Variants in PTPRN2 observed in about 807,000 individuals in gnomAD.
PTPRN2 encodes the protein protein tyrosine phosphatase receptor type N2.
A neutral mutation model predicts 118.8 loss-of-function variants in PTPRN2; 74 were observed. The observed-to-expected ratio is 0.62, with a 90% confidence interval of 0.52 to 0.76. The LOEUF is 0.76. Among genes scored for constraint, PTPRN2 ranks in the 30% least tolerant of loss-of-function variants. The pLI is 0.00. For synonymous variants in PTPRN2, 641 were observed against 608.0 expected, an observed-to-expected ratio of 1.05 and a Z score of -0.80; for missense variants, 1,481 against 1,394.4, an observed-to-expected ratio of 1.06 and a Z score of -0.99.
intron 1 of PTPRN2, among the ~76,000 whole-genome samples, chr7:158,499,829 C>T (rs191062408): frequency 3.8e-5 from 5 of 132,886 alleles, no homozygotes; most frequent in South Asian, 3.0e-4. Context: ...ATACACACAC[C>T]CTCCAGTGTG....
chr7:158,314,980 A>T (rs1802185527), intron 3 of PTPRN2, among the ~76,000 whole-genome samples: 1 of 143,490 alleles, frequency 7.0e-6, no homozygotes, highest in Admixed American at 6.9e-5. Context: ...GGACCCCCTG[A>T]AGGACAGAGG....
intron 12 of PTPRN2, among the ~76,000 whole-genome samples, chr7:157,825,459 T>G: frequency 6.6e-6 from 1 of 152,198 alleles, no homozygotes; most frequent in Non-Finnish European, 1.5e-5. Context: ...TCCAGCTCAT[T>G]TAAGCCACTT....
intron 11 of PTPRN2, among the ~76,000 whole-genome samples, chr7:157,940,739 A>T (rs1253600631): frequency 9.8e-5 from 4 of 40,838 alleles, no homozygotes; most frequent in Non-Finnish European, 1.5e-4. Flanking sequence ...GCCCTGCCCC[A>T]TGACACTGCA....
intron 3 of PTPRN2, among the ~76,000 whole-genome samples, chr7:158,272,170 G>A (rs867396576): frequency 1.4e-4 from 22 of 152,276 alleles, no homozygotes; most frequent in African/African-American, 4.8e-4. Flanking sequence ...GCAGAGGAGG[G>A]TCTAGAGTGA....
chr7:157,730,206 G>C (rs562830970), intron 12 of PTPRN2, among the ~76,000 whole-genome samples: 16 of 150,794 alleles, frequency 1.1e-4, no homozygotes, highest in Non-Finnish European at 1.6e-4. Context: ...CCGGGCACTC[G>C]GGGTGAAGCT....
intron 11 of PTPRN2, among the ~76,000 whole-genome samples, chr7:157,971,263 T>TA (rs1378036138): frequency 2.6e-5 from 4 of 152,188 alleles, no homozygotes; most frequent in Non-Finnish European, 5.9e-5. Context: ...AGACCTTCAA[T>TA]AAAAAAGGTT....
intron 14 of PTPRN2, among the ~76,000 whole-genome samples, chr7:157,643,910 C>T (rs2906926): frequency 0.38 from 57,525 of 152,162 alleles, 11,512 homozygotes; most frequent in Middle Eastern, 0.47. Context: ...ACCGGCCAGC[C>T]TCATAGTGCT....
intron 2 of PTPRN2, among the ~76,000 whole-genome samples, chr7:158,420,238 G>A (rs571724075): frequency 6.6e-6 from 1 of 152,264 alleles, no homozygotes; most frequent in South Asian, 2.1e-4. Context: ...CCCCAAAGCT[G>A]CAGTGAGGAG....
chr7:158,317,300 C>T (rs932212411), intron 2 of PTPRN2, among the ~76,000 whole-genome samples: 4 of 152,216 alleles, frequency 2.6e-5, no homozygotes, highest in Non-Finnish European at 5.9e-5. Flanking sequence ...CATTCCAGGC[C>T]AGTTTTCCAG....
intron 12 of PTPRN2, among the ~76,000 whole-genome samples, chr7:157,765,520 T>TCACCCACCCATCCATC (rs1228800113): frequency 9.4e-6 from 1 of 106,176 alleles, no homozygotes; most frequent in Non-Finnish European, 1.9e-5. Context: ...CTCCATCCAT[T>TCACCCACCCATCCATC]CACCCACCCA....
At chr7:157,938,022 GAGTGCATGGTGGGGCC>G (rs1265531072) in intron 11 of PTPRN2, among the ~76,000 whole-genome samples, 5 of 152,340 alleles carry the variant, frequency 3.3e-5, no homozygotes, top group African/African-American at 1.2e-4. Flanking sequence ...ATCTGAAGCA[GAGTGCATGGTGGGGCC>G]ATCTAAGTAT....
intron 11 of PTPRN2, among the ~76,000 whole-genome samples, chr7:157,985,571 G>A (rs149523043): frequency 1.6e-4 from 24 of 152,338 alleles, no homozygotes; most frequent in Non-Finnish European, 3.4e-4. Flanking sequence ...TGAAAATGTA[G>A]TTATACCATA....
At position 157,544,289 on chromosome 7, in the gene PTPRN2, C is replaced by T. The variant is rs1798167793; in HGVS notation, c.2977-3504G>A. Among the ~76,000 whole-genome samples the T allele has an allele frequency of 2.0e-5, 3 of 152,326 alleles. No individual in the cohort carries two copies. The South Asian group carries it at 6.2e-4, about 32-fold the overall frequency. ...ATGTGTGAGCGTGGACTGCGCTACG[C>T]GTGACAGAATCCGTGTCTGTCACTC... is the stretch of plus-strand genomic sequence containing the variant. On this transcript the variant is annotated intron_variant, in intron 22 of 22. Coordinates refer to ENST00000389418, the MANE Select transcript of PTPRN2 (RefSeq NM_002847.5).
At chr7:157,956,314 A>T (rs1003669113) in intron 11 of PTPRN2, among the ~76,000 whole-genome samples, 1 of 152,202 alleles carries the variant, frequency 6.6e-6, no homozygotes, top group Non-Finnish European at 1.5e-5. Context: ...TGTAGCCGTG[A>T]TCGCTCCGGT....
At chr7:158,441,074 GGTGGTGCTGGTGGTAGTGATA>G (rs1817061360) in intron 2 of PTPRN2, among the ~76,000 whole-genome samples, 1 of 135,812 alleles carries the variant, frequency 7.4e-6, no homozygotes, top group African/African-American at 3.1e-5. Context: ...TGGTAGTGAT[GGTGGTGCTGGTGGTAGTGATA>G]GGGGTGGTAG....
In PTPRN2 at chr7:157,763,356, C is replaced by T. The variant is rs534702775; in HGVS notation, c.1789-80419G>A. Among the ~76,000 whole-genome samples, 64 of 152,358 alleles carry T rather than the reference C, an allele frequency of 4.2e-4. No homozygotes were observed. The highest frequency in any genetic ancestry group is 1.5e-3 in the African/African-American group (63 of 41,592). On this transcript the variant is annotated intron_variant, in intron 12 of 22. Transcript: ENST00000389418. This position sits in a 1 kb window ranked among gnomAD's most constrained non-coding sequence, Gnocchi z 4.9. ...CTGGTGATGACAGCACAGACTCCAG[C>T]TCTCCAGAGGCCCAAGACAGCCTGC...
At chr7:157,947,746 C>T (rs533683352) in intron 11 of PTPRN2, among the ~76,000 whole-genome samples, 1 of 152,256 alleles carries the variant, frequency 6.6e-6, no homozygotes, top group African/African-American at 2.4e-5. Flanking sequence ...TCAAAGAGAT[C>T]CATGCTGACA....
intron 3 of PTPRN2, among the ~76,000 whole-genome samples, chr7:158,241,001 C>T (rs1277747053): frequency 6.6e-6 from 1 of 152,178 alleles, no homozygotes; most frequent in East Asian, 1.9e-4. Flanking sequence ...TGCCCCAAGG[C>T]AGCCCCGTGG....
At chr7:157,768,592 A>C (rs1802624086) in intron 12 of PTPRN2, among the ~76,000 whole-genome samples, 1 of 152,218 alleles carries the variant, frequency 6.6e-6, no homozygotes, top group Non-Finnish European at 1.5e-5. Flanking sequence ...GCCCCAGCCC[A>C]GCCCCAGCTC....
Sources: allele counts gnomAD v4.1 joint callset (sites outside exome capture counted in the v4.1 genomes callset), GRCh38; gene constraint gnomAD v4.1.1; non-coding constraint Gnocchi (gnomAD v3.1); transcripts MANE v1.5; gene names NCBI Gene and HGNC (gene_info 2026-07-23, HGNC 2026-07-21).